The following TCF7L2 variants were observed in gnomAD, a reference collection of about 807,000 sequenced individuals.
TCF7L2 encodes transcription factor 7 like 2.
Under a neutral mutation model 77.9 loss-of-function variants are expected in TCF7L2, and 23 were observed. The ratio of observed to expected loss-of-function variants is 0.30; its 90% CI spans 0.21 to 0.42. The LOEUF (loss-of-function observed/expected upper bound fraction) is 0.42, where lower values mean the gene tolerates loss of function less well. Among genes scored for constraint, TCF7L2 ranks in the 10% least tolerant of loss-of-function variants. The pLI is 1.00. For synonymous variants in TCF7L2, 413 were observed against 340.2 expected, an observed-to-expected ratio of 1.21 and a Z score of -2.36; for missense variants, 654 against 793.1, an observed-to-expected ratio of 0.82 and a Z score of 2.11.
intron 5 of TCF7L2, among the ~76,000 whole-genome samples, chr10:113,134,868 G>A (rs566722031): frequency 2.6e-4 from 40 of 152,292 alleles, no homozygotes; most frequent in Admixed American, 1.4e-3. Context: ...ATGCTCCTCT[G>A]TTGCTTTAGT....
At chr10:113,039,579 A>C (rs926846492) in intron 4 of TCF7L2, among the ~76,000 whole-genome samples, 1 of 152,184 alleles carries the variant, frequency 6.6e-6, no homozygotes, top group African/African-American at 2.4e-5. Flanking sequence ...ATGACATTTG[A>C]AAAACGGAGG....
chr10:112,991,676 A>G (rs1285046382), intron 4 of TCF7L2, among the ~76,000 whole-genome samples: 1 of 152,078 alleles, frequency 6.6e-6, no homozygotes, highest in African/African-American at 2.4e-5. Flanking sequence ...GGCTTGTTAC[A>G]TATGGAGCAG....
At chr10:112,965,472 A>G (rs994951826) in intron 4 of TCF7L2, among the ~76,000 whole-genome samples, 1 of 152,184 alleles carries the variant, frequency 6.6e-6, no homozygotes, top group Non-Finnish European at 1.5e-5. Flanking sequence ...AACCCTTTGA[A>G]GGGATTCTCT....
chr10:113,085,533 G>A (rs887841657), intron 5 of TCF7L2, among the ~76,000 whole-genome samples: 1 of 152,178 alleles, frequency 6.6e-6, no homozygotes, highest in Non-Finnish European at 1.5e-5. Flanking sequence ...CTATTCGATT[G>A]CATTAGCGTT....
intron 5 of TCF7L2, among the ~76,000 whole-genome samples, chr10:113,084,932 CT>C (rs1300948450): frequency 6.6e-6 from 1 of 151,788 alleles, no homozygotes; most frequent in Non-Finnish European, 1.5e-5. Flanking sequence ...ACAAAAAACC[CT>C]GACACATAAA....
intron 5 of TCF7L2, among the ~76,000 whole-genome samples, chr10:113,099,074 T>TCTTGG (rs1166709952): frequency 6.6e-6 from 1 of 152,212 alleles, no homozygotes; most frequent in Non-Finnish European, 1.5e-5. Flanking sequence ...TATTGGCAAG[T>TCTTGG]CTTGGTTGGA....
At position 112,951,489 on chromosome 10, in the gene TCF7L2, A is replaced by G. The variant is rs2031280050; in HGVS notation, c.263A>G (p.Lys88Arg). Residue 88 changes from lysine (K) to arginine (R), a missense_variant, in exon 3 of 14, where the codon AAG becomes AGG. Physicochemically the swap from Lys to Arg is conservative, Grantham distance 26. Coordinates refer to ENST00000627217, the MANE Select transcript of TCF7L2 (RefSeq NM_001146274.2). The stretch of plus-strand genomic sequence containing the variant: ...CGCCGCCCCGCCATGTTAGCGGCCA[A>G]GAGGCAAGATGGAGGGCTCTTTAAG... 1.4e-6 allele frequency: 2 copies of G among 1,431,086 alleles called. No individual in the cohort carries two copies. The highest frequency in any genetic ancestry group is 2.0e-5 in the Admixed American group (1 of 48,958). The allele number at this position is 1,431,086 out of a possible 1,614,324, so 88.6% of individuals were successfully genotyped here.
intron 5 of TCF7L2, among the ~76,000 whole-genome samples, chr10:113,064,341 G>A (rs2056952738): frequency 6.6e-6 from 1 of 152,228 alleles, no homozygotes. Flanking sequence ...ACATGTAAAT[G>A]CGGGTAGTAG....
chr10:113,037,291 C>A (rs923093070), intron 4 of TCF7L2, among the ~76,000 whole-genome samples: 19 of 152,070 alleles, frequency 1.2e-4, no homozygotes, highest in African/African-American at 4.6e-4. Context: ...GTGTACCCAG[C>A]GGTTCTGTGG....
chr10:113,028,646 A>G (rs2049645587), intron 4 of TCF7L2, among the ~76,000 whole-genome samples: 1 of 152,190 alleles, frequency 6.6e-6, no homozygotes. Flanking sequence ...ATGTAGACTC[A>G]CTAAAGCAAG....
chr10:112,978,199 T>C (rs1363227403), intron 4 of TCF7L2, among the ~76,000 whole-genome samples: 1 of 152,236 alleles, frequency 6.6e-6, no homozygotes, highest in African/African-American at 2.4e-5. Context: ...ATATGTCTTA[T>C]GCATATTTGA....
intron 4 of TCF7L2, among the ~76,000 whole-genome samples, chr10:112,971,409 A>G (rs964392807): frequency 6.6e-6 from 1 of 151,916 alleles, no homozygotes; most frequent in Non-Finnish European, 1.5e-5. Flanking sequence ...CCAGGTTTCA[A>G]GCGATTCCCG....
intron 4 of TCF7L2, among the ~76,000 whole-genome samples, chr10:113,014,192 G>T (rs2046945911): frequency 6.6e-6 from 1 of 152,212 alleles, no homozygotes; most frequent in Non-Finnish European, 1.5e-5. Flanking sequence ...CTGAAACAGT[G>T]ATGGTTAAAA....
At chr10:113,105,154 C>G (rs2062131712) in intron 5 of TCF7L2, among the ~76,000 whole-genome samples, 1 of 152,130 alleles carries the variant, frequency 6.6e-6, no homozygotes, top group Non-Finnish European at 1.5e-5. Flanking sequence ...GCTTTTGGGA[C>G]AGCTTGAGTC....
At chr10:113,164,162 T>A (rs1382213078) in intron 13 of TCF7L2, among the ~76,000 whole-genome samples, 1 of 152,230 alleles carries the variant, frequency 6.6e-6, no homozygotes, top group African/African-American at 2.4e-5. Flanking sequence ...CAGGCTCACC[T>A]TTCCTTACCA....
intron 5 of TCF7L2, among the ~76,000 whole-genome samples, chr10:113,136,132 G>A (rs771064786): frequency 5.3e-5 from 8 of 152,198 alleles, no homozygotes; most frequent in Non-Finnish European, 1.0e-4. Flanking sequence ...TACCTACCGC[G>A]TGGAACTGAT....
chr10:113,103,981 C>T (rs776166971), intron 5 of TCF7L2, among the ~76,000 whole-genome samples: 1 of 152,204 alleles, frequency 6.6e-6, no homozygotes, highest in African/African-American at 2.4e-5. Context: ...GCTACGCCCC[C>T]ACTTTTGTGG....
chr10:113,038,051 T>C (rs2051668804), intron 4 of TCF7L2, among the ~76,000 whole-genome samples: 1 of 152,112 alleles, frequency 6.6e-6, no homozygotes, highest in Admixed American at 6.5e-5. Context: ...ACTGGAAATA[T>C]TTACTTTAGT....
intron 5 of TCF7L2, among the ~76,000 whole-genome samples, chr10:113,107,400 A>G (rs1435260455): frequency 6.6e-6 from 1 of 152,096 alleles, no homozygotes; most frequent in Non-Finnish European, 1.5e-5. Flanking sequence ...CAGTACAGTC[A>G]GGGGCTGTTG....
Sources: gnomAD v4.1 joint callset for allele counts (sites outside exome capture counted in the v4.1 genomes callset) on GRCh38, gnomAD v4.1.1 for gene constraint, MANE v1.5 for transcripts, NCBI Gene and HGNC (gene_info 2026-07-23, HGNC 2026-07-21) for gene names.